The following FGGY variants were observed in gnomAD, a reference collection of about 807,000 sequenced individuals.
The protein encoded by FGGY is FGGY carbohydrate kinase domain-containing protein.
Under a neutral mutation model 71.3 loss-of-function variants are expected in FGGY, and 72 were observed. The observed-to-expected ratio is 1.01, with a 90% CI of 0.84 to 1.23. The LOEUF is 1.23. Ranked by LOEUF, FGGY falls within the 50% of genes most tolerant of loss-of-function variation. FGGY has a pLI of 0.00. For synonymous variants in FGGY, 251 were observed against 250.3 expected (o/e 1.00, Z -0.02); for missense variants, 668 against 682.3 (o/e 0.98, Z 0.23).
At chr1:59,319,107 A>G (rs1252367323) in intron 1 of FGGY, among the ~76,000 whole-genome samples, 4 of 152,226 alleles carry the variant, frequency 2.6e-5, no homozygotes, top group African/African-American at 9.6e-5. Flanking sequence ...TGATTGCAAG[A>G]TGCACCATTA....
chr1:59,614,264 A>G (rs1001339207), intron 9 of FGGY, among the ~76,000 whole-genome samples: 1 of 152,206 alleles, frequency 6.6e-6, no homozygotes, highest in African/African-American at 2.4e-5. Flanking sequence ...ATATTGGCAA[A>G]CTGAATCCAG....
In FGGY at chr1:59,593,025, T is replaced by G. The variant is rs567977766; in HGVS notation, c.904-14778T>G. Reference sequence around the variant, plus strand: ...CTTTTCCTCTGTGTAGAACTGATGATGGGGTAAAATAGAAGAAACCACACA... The same window carrying G: ...CTTTTCCTCTGTGTAGAACTGATGAGGGGGTAAAATAGAAGAAACCACACA... On this transcript the variant is annotated intron_variant, in intron 8 of 15. Coordinates refer to ENST00000303721, the MANE Select transcript of FGGY (RefSeq NM_018291.5). 2.0e-4 allele frequency among the ~76,000 whole-genome samples: 31 copies of G among 151,610 alleles called. No individual in the cohort carries two copies. In the East Asian group the frequency reaches 3.9e-3, roughly 19 times the overall value.
intron 7 of FGGY, among the ~76,000 whole-genome samples, chr1:59,550,156 G>T (rs186563196): frequency 5.3e-4 from 81 of 152,218 alleles, no homozygotes; most frequent in Non-Finnish European, 6.6e-4. Context: ...TTTGAGGATT[G>T]CAGAATAAAC....
intron 13 of FGGY, among the ~76,000 whole-genome samples, chr1:59,670,961 TA>T (rs2097372259): frequency 6.6e-6 from 1 of 152,244 alleles, no homozygotes; most frequent in South Asian, 2.1e-4. Flanking sequence ...TTCTAAGTTT[TA>T]TTTTTTAGTA....
chr1:59,619,495 A>G (rs1022140504), intron 9 of FGGY, among the ~76,000 whole-genome samples: 3 of 152,016 alleles, frequency 2.0e-5, no homozygotes, highest in South Asian at 2.1e-4. Context: ...AAAGGAAGGA[A>G]TTTAGCTATT....
chr1:59,354,252 A>AT (rs1326466652), intron 4 of FGGY, among the ~76,000 whole-genome samples: 5 of 151,994 alleles, frequency 3.3e-5, no homozygotes, highest in Admixed American at 6.5e-5. Flanking sequence ...TAATTTGTGT[A>AT]TTTTTTTGTA....
At chr1:59,591,465 A>T (rs1558470510) in intron 8 of FGGY, among the ~76,000 whole-genome samples, 1 of 151,970 alleles carries the variant, frequency 6.6e-6, no homozygotes, top group Non-Finnish European at 1.5e-5. Flanking sequence ...GAACCAAAAA[A>T]GAGCCCGCAT....
chr1:59,730,307 CTT>C lies in FGGY; in HGVS notation c.1513-27609_1513-27608del, dbSNP rs35424239. 3.8e-3 allele frequency among the ~76,000 whole-genome samples: 535 copies of C among 139,098 alleles called. 1 individual carries two copies. Among genetic ancestry groups the C allele is most frequent in the African/African-American group, 6.1e-3 (232 of 37,794 alleles). The allele number at this position is 139,098 out of a possible 152,430, so 91.3% of individuals were successfully genotyped here. ...AAATCACTGATTTGCAGTTTCTTAG[CTT>C]TTTTTTTTTTTTTTGGAGTAAGGAT... is the stretch of plus-strand genomic sequence containing the variant. On this transcript the variant is annotated intron_variant, in intron 14 of 15. Transcript: ENST00000303721.
intron 11 of FGGY, among the ~76,000 whole-genome samples, chr1:59,653,664 G>A (rs1422829301): frequency 1.3e-5 from 2 of 152,216 alleles, no homozygotes. Context: ...GGACTCCCTA[G>A]TGAGATGAAC....
chr1:59,687,505 C>T (rs1277410907), intron 14 of FGGY, among the ~76,000 whole-genome samples: 4 of 151,570 alleles, frequency 2.6e-5, no homozygotes, highest in Admixed American at 2.0e-4. Context: ...CTCACTCTGT[C>T]GCCCAGGCTG....
At position 59,468,872 on chromosome 1, in the gene FGGY, TAAAAAAAAAA is replaced by T. The variant is rs397967555; in HGVS notation, c.670+11808_670+11817del. 2.5e-5 allele frequency among the ~76,000 whole-genome samples: 3 copies of T among 119,578 alleles called. No homozygotes were observed. The South Asian group carries it at 8.1e-4, about 32-fold the overall frequency. The allele number at this position is 119,578 out of a possible 152,430, so 78.4% of individuals were successfully genotyped here. On this transcript the variant is annotated intron_variant, in intron 6 of 15. Coordinates refer to ENST00000303721, the MANE Select transcript of FGGY (RefSeq NM_018291.5). ...GCTCCACTGAGCAAGACTCTGTCTTTAAAAAAAAAAAAAAAAAAAAAGGATCTTGACTAAT... is the reference window on the plus strand; with the variant it reads ...GCTCCACTGAGCAAGACTCTGTCTTTAAAAAAAAAAAGGATCTTGACTAAT...
rs183773374 is a variant in FGGY at position 59,364,021 on chromosome 1, A to G, written c.466-14728A>G. On this transcript the variant is annotated intron_variant, in intron 4 of 15. Transcript: ENST00000303721. Reference sequence around the variant, plus strand: ...AGACTCCAAAGAAATGCCAGTTGAAACAGTAAAGTACGCCTGTCCTTTACG... The same window carrying G: ...AGACTCCAAAGAAATGCCAGTTGAAGCAGTAAAGTACGCCTGTCCTTTACG... 1.2e-3 allele frequency among the ~76,000 whole-genome samples: 187 copies of G among 152,338 alleles called. 1 individual carries two copies. The highest frequency in any genetic ancestry group is 4.3e-3 in the African/African-American group (178 of 41,574).
At chr1:59,743,719 G>T (rs181401644) in intron 14 of FGGY, among the ~76,000 whole-genome samples, 1 of 152,202 alleles carries the variant, frequency 6.6e-6, no homozygotes, top group Non-Finnish European at 1.5e-5. Flanking sequence ...TGTAAACACA[G>T]CTGACATAGT....
chr1:59,472,507 GC>G (rs1190329870), intron 6 of FGGY, among the ~76,000 whole-genome samples: 4 of 152,258 alleles, frequency 2.6e-5, no homozygotes, highest in African/African-American at 4.8e-5. Flanking sequence ...TCCACCTGCA[GC>G]CCCGGTGCGG....
At chr1:59,630,647 T>G (rs111507041) in intron 10 of FGGY, among the ~76,000 whole-genome samples, 3 of 152,352 alleles carry the variant, frequency 2.0e-5, no homozygotes, top group African/African-American at 7.2e-5. Context: ...TGACATACTC[T>G]AAACTTCCAG....
At chr1:59,470,273 T>C (rs1229277853) in intron 6 of FGGY, among the ~76,000 whole-genome samples, 2 of 152,198 alleles carry the variant, frequency 1.3e-5, no homozygotes, top group African/African-American at 4.8e-5. Flanking sequence ...CCAGCATCTG[T>C]TATTTTTTGA....
chr1:59,398,180 G>A (rs1442595587), intron 5 of FGGY, among the ~76,000 whole-genome samples: 1 of 152,114 alleles, frequency 6.6e-6, no homozygotes, highest in Non-Finnish European at 1.5e-5. Flanking sequence ...ACTCATGGCA[G>A]CATTTTTCTC....
intron 6 of FGGY, among the ~76,000 whole-genome samples, chr1:59,491,448 T>A (rs879729130): frequency 6.6e-6 from 1 of 152,000 alleles, no homozygotes; most frequent in Non-Finnish European, 1.5e-5. Flanking sequence ...TACATTATTG[T>A]ATTTAATTAT....
rs902827388 is a variant in FGGY, at chr1:59,584,972, G to C, written c.904-22831G>C. Reference sequence around the variant, plus strand: ...GAATCCAACTTACAAGGGACGTGAAGGACCTCATCAAGGAGAACTACAAAC... The same window carrying C: ...GAATCCAACTTACAAGGGACGTGAACGACCTCATCAAGGAGAACTACAAAC... On this transcript the variant is annotated intron_variant, in intron 8 of 15. Transcript: ENST00000303721. Among the ~76,000 whole-genome samples the C allele has an allele frequency of 9.2e-5, 14 of 152,056 alleles. 2 individuals carry two copies. The highest frequency in any genetic ancestry group is 3.4e-4 in the African/African-American group (14 of 41,422).
Sources: gnomAD v4.1 joint callset for allele counts (sites outside exome capture counted in the v4.1 genomes callset) on GRCh38, gnomAD v4.1.1 for gene constraint, MANE v1.5 for transcripts, NCBI Gene and HGNC (gene_info 2026-07-23, HGNC 2026-07-21) for gene names.